The following CSRNP3 variants were observed in gnomAD, a reference collection of about 807,000 sequenced individuals.
CSRNP3 encodes cysteine and serine rich nuclear protein 3.
CSRNP3 carries 12 observed loss-of-function variants against 48.0 expected under a neutral mutation model. The observed-to-expected ratio is 0.25, with a 90% CI of 0.16 to 0.41. The LOEUF (loss-of-function observed/expected upper bound fraction) is 0.41. Among genes scored for constraint, CSRNP3 ranks in the 10% least tolerant of loss-of-function variants. CSRNP3 has a pLI of 1.00. For synonymous variants in CSRNP3, 263 were observed against 269.7 expected (o/e 0.98, Z 0.24); for missense variants, 580 against 724.4 (o/e 0.80, Z 2.29).
intron 3 of CSRNP3, among the ~76,000 whole-genome samples, chr2:165,581,850 A>G (rs578097513): frequency 9.5e-4 from 144 of 152,234 alleles, no homozygotes; most frequent in Non-Finnish European, 1.4e-3. Context: ...TTCTTTTGAT[A>G]GAAGTGCAAA....
At chr2:165,475,174 G>C (rs1280662475) in intron 1 of CSRNP3, among the ~76,000 whole-genome samples, 2 of 151,792 alleles carry the variant, frequency 1.3e-5, no homozygotes, top group South Asian at 4.2e-4. Context: ...TCTGGAAAAG[G>C]GTTTCAAAAG....
chr2:165,687,222 A>G lies in CSRNP3; in HGVS notation c.*7469A>G, dbSNP rs931542460. The G allele has an allele frequency of 3.3e-5, 5 of 152,092 alleles. No homozygotes were observed. Among genetic ancestry groups the G allele is most frequent in the African/African-American group, 1.2e-4 (5 of 41,420 alleles). 9.4% of individuals were successfully genotyped at this position (152,092 alleles called of 1,614,324 possible). On this transcript the variant is annotated 3_prime_UTR_variant, in exon 7 of 7. Transcript: ENST00000651982. ...GATCATTCCATAAGTCTCCTAAGAA[A>G]TCAGATTTTTAAAGAAAGACACGGA...
At position 165,677,635 on chromosome 2, in the gene CSRNP3, C is replaced by G. The variant is rs569629320; in HGVS notation, c.705+1027C>G. Reference sequence around the variant, plus strand: ...AATTCTGGCTCTAATATCTGCTATACTTTTTACTGGGGCCAAGATGATTGT... The same window carrying G: ...AATTCTGGCTCTAATATCTGCTATAGTTTTTACTGGGGCCAAGATGATTGT... On this transcript the variant is annotated intron_variant, in intron 6 of 6. Coordinates refer to ENST00000651982, the MANE Select transcript of CSRNP3 (RefSeq NM_001172173.2). 4.8e-3 allele frequency among the ~76,000 whole-genome samples: 719 copies of G among 151,096 alleles called. 6 individuals carry two copies. Among genetic ancestry groups the G allele is most frequent in the Middle Eastern group, 0.01 (3 of 288 alleles).
intron 4 of CSRNP3, among the ~76,000 whole-genome samples, chr2:165,617,974 G>T (rs1420335025): frequency 6.6e-6 from 1 of 152,194 alleles, no homozygotes; most frequent in Non-Finnish European, 1.5e-5. Context: ...GCGGTTATTG[G>T]GCCCCAGGGC....
intron 3 of CSRNP3, among the ~76,000 whole-genome samples, chr2:165,547,118 G>A (rs1194588254): frequency 1.3e-5 from 2 of 151,926 alleles, no homozygotes; most frequent in Non-Finnish European, 2.9e-5. Flanking sequence ...TGCTCTCTTG[G>A]TATTCTTTCT....
At chr2:165,641,317 T>C (rs11896267) in intron 4 of CSRNP3, among the ~76,000 whole-genome samples, 4,767 of 152,302 alleles carry the variant, frequency 0.031, 242 homozygotes, top group African/African-American at 0.11. Context: ...CTGAAAGCTA[T>C]CTGTCACCTC....
chr2:165,653,587 T>C (rs911065582), intron 4 of CSRNP3, among the ~76,000 whole-genome samples: 1 of 152,154 alleles, frequency 6.6e-6, no homozygotes, highest in Non-Finnish European at 1.5e-5. Context: ...GAAGAATTCT[T>C]ATAATCTCAA....
At chr2:165,622,258 T>C (rs1025810911) in intron 4 of CSRNP3, among the ~76,000 whole-genome samples, 2 of 152,246 alleles carry the variant, frequency 1.3e-5, no homozygotes, top group African/African-American at 4.8e-5. Flanking sequence ...GCCAATTCTC[T>C]GTAATTTTCG....
intron 3 of CSRNP3, among the ~76,000 whole-genome samples, chr2:165,545,645 CTG>C (rs1685014478): frequency 6.6e-6 from 1 of 152,046 alleles, no homozygotes; most frequent in African/African-American, 2.4e-5. Context: ...TGGGCCATAT[CTG>C]TCTTATTTAC....
intron 3 of CSRNP3, among the ~76,000 whole-genome samples, chr2:165,536,680 GA>G (rs1343275357): frequency 6.6e-6 from 1 of 151,816 alleles, no homozygotes; most frequent in Non-Finnish European, 1.5e-5. Flanking sequence ...ATGTATGTAA[GA>G]TTTTTTTGAA....
At chr2:165,500,339 A>AT (rs748594042) in intron 2 of CSRNP3, among the ~76,000 whole-genome samples, 9 of 150,462 alleles carry the variant, frequency 6.0e-5, no homozygotes, top group Non-Finnish European at 1.0e-4. Context: ...ATATATACAT[A>AT]TGTATATATG....
At chr2:165,583,615 G>C (rs1248393596) in intron 3 of CSRNP3, among the ~76,000 whole-genome samples, 1 of 152,158 alleles carries the variant, frequency 6.6e-6, no homozygotes, top group East Asian at 1.9e-4. Context: ...GATTCAGTAA[G>C]ATAAAGATTG....
At chr2:165,678,128 C>A (rs187358515) in intron 6 of CSRNP3, among the ~76,000 whole-genome samples, 13 of 152,194 alleles carry the variant, frequency 8.5e-5, no homozygotes, top group African/African-American at 2.9e-4. Flanking sequence ...CAAATGAGAG[C>A]AAATTGTGAG....
intron 1 of CSRNP3, among the ~76,000 whole-genome samples, chr2:165,479,634 A>G (rs1399179412): frequency 1.3e-5 from 2 of 152,148 alleles, no homozygotes; most frequent in Non-Finnish European, 2.9e-5. Context: ...AGTCCTGCAT[A>G]GGCACTTTGG....
At chr2:165,600,710 T>C (rs1162397600) in intron 4 of CSRNP3, among the ~76,000 whole-genome samples, 1 of 152,202 alleles carries the variant, frequency 6.6e-6, no homozygotes, top group African/African-American at 2.4e-5. Flanking sequence ...TTTCATGTGT[T>C]TTTTGGCTGC....
intron 1 of CSRNP3, among the ~76,000 whole-genome samples, chr2:165,477,838 G>A (rs1013897548): frequency 1.8e-4 from 27 of 152,030 alleles, no homozygotes; most frequent in Non-Finnish European, 1.2e-4. Context: ...TTAGCCAGGC[G>A]TGCTGGTGAG....
In CSRNP3 at chr2:165,666,944, A is replaced by G. The variant is rs796617335; in HGVS notation, c.408+8924A>G. Among the ~76,000 whole-genome samples the G allele has an allele frequency of 1.5e-3, 129 of 85,658 alleles. 4 individuals carry two copies. The highest frequency in any genetic ancestry group is 6.8e-3 in the Middle Eastern group (1 of 146). 56.2% of individuals were successfully genotyped at this position (85,658 alleles called of 152,430 possible). A position where few individuals can be genotyped will look rare whatever the true frequency, so the allele number is the denominator to read the frequency against. ...GGGAGGAAAGAGAGAAGAAGAAAGA[A>G]AGAGAGAGAGGAAGGAAGGAAGGAA... On this transcript the variant is annotated intron_variant, in intron 5 of 6. Coordinates refer to ENST00000651982, the MANE Select transcript of CSRNP3 (RefSeq NM_001172173.2).
intron 4 of CSRNP3, among the ~76,000 whole-genome samples, chr2:165,604,285 T>C (rs1406923830): frequency 6.6e-6 from 1 of 152,228 alleles, no homozygotes; most frequent in Non-Finnish European, 1.5e-5. Flanking sequence ...AGAACTTAAC[T>C]GTGTATACTT....
At chr2:165,507,817 A>G (rs189591200) in intron 2 of CSRNP3, among the ~76,000 whole-genome samples, 70 of 152,270 alleles carry the variant, frequency 4.6e-4, no homozygotes, top group Admixed American at 1.8e-3. Flanking sequence ...GATACTCCTA[A>G]CATCTTATTG....
Sources: gnomAD v4.1 joint callset for allele counts (sites outside exome capture counted in the v4.1 genomes callset) on GRCh38, gnomAD v4.1.1 for gene constraint, MANE v1.5 for transcripts, NCBI Gene and HGNC (gene_info 2026-07-23, HGNC 2026-07-21) for gene names.